The following MTCH1 variants were observed in gnomAD, a reference collection of about 807,000 sequenced individuals.
MTCH1 encodes mitochondrial carrier 1.
MTCH1 carries 23 observed loss-of-function variants against 49.3 expected under a neutral mutation model. That is an observed-to-expected ratio of 0.47 (90% CI 0.34 to 0.66). The LOEUF (loss-of-function observed/expected upper bound fraction) is 0.66, where lower values mean the gene tolerates loss of function less well. Among genes scored for constraint, MTCH1 ranks in the 30% least tolerant of loss-of-function variants. MTCH1 has a pLI of 0.01. For synonymous variants in MTCH1, 229 were observed against 215.2 expected (o/e 1.06, Z -0.56); for missense variants, 397 against 532.1 (o/e 0.75, Z 2.50).
In MTCH1 at chr6:36,977,378, G is replaced by A. The variant is rs1763919712; in HGVS notation, c.650-128C>T. Reference sequence around the variant, plus strand: ...GCCTATTCAGAGAGCAGGAGAGGAAGAGGGCCTTTCGGATTCCCTGTTACA... The same window carrying A: ...GCCTATTCAGAGAGCAGGAGAGGAAAAGGGCCTTTCGGATTCCCTGTTACA... On this transcript the variant is annotated intron_variant, in intron 5 of 11. Coordinates refer to ENST00000373627, the MANE Select transcript of MTCH1 (RefSeq NM_001271641.2). This position sits in a 1 kb window ranked among gnomAD's most constrained non-coding sequence, Gnocchi z 5.4. The A allele has an allele frequency of 2.0e-6, 2 of 987,088 alleles. No individual in the cohort carries two copies. Among genetic ancestry groups the A allele is most frequent in the Non-Finnish European group, 3.1e-6 (2 of 643,346 alleles). 61.1% of individuals were successfully genotyped at this position (987,088 alleles called of 1,614,324 possible).
At chr6:36,969,565 C>G (rs1182867565) in intron 11 of MTCH1, 1 of 1,153,054 alleles carries the variant, frequency 8.7e-7, no homozygotes, top group African/African-American at 1.6e-5. Context: ...GCCAGTTCCC[C>G]ACGTGGCCCA....
rs1277482337 is a variant in MTCH1 at position 36,972,585 on chromosome 6, G to C, written c.906+67C>G. On this transcript the variant is annotated intron_variant, in intron 8 of 11. Transcript: ENST00000373627. The surrounding 1 kb of genome is among the most constrained non-coding windows in gnomAD (Gnocchi z 4.1). ...TGATGCTGAGAATCCCAGAATCCTT[G>C]AGTTTGTCCCAGACCCTGGGCATCA... 1.4e-5 allele frequency: 21 copies of C among 1,493,296 alleles called. No homozygotes were observed. The highest frequency in any genetic ancestry group is 1.8e-5 in the Non-Finnish European group (20 of 1,107,770). 92.5% of individuals were successfully genotyped at this position (1,493,296 alleles called of 1,614,324 possible).
At chr6:36,979,136 G>A (rs920825836) in intron 2 of MTCH1, among the ~76,000 whole-genome samples, 2 of 152,126 alleles carry the variant, frequency 1.3e-5, no homozygotes, top group East Asian at 1.9e-4. Context: ...CACATGCCAC[G>A]GCCAGGGCAG....
Position 36,972,901 on chromosome 6 carries a change from G to C in MTCH1, c.762-105C>G. ...GGGATGTTCCGAGCTCAAAATCTTA[G>C]CATATCCAATGGCACAGCCTTAGAA... On this transcript the variant is annotated intron_variant, in intron 7 of 11. Coordinates refer to ENST00000373627, the MANE Select transcript of MTCH1 (RefSeq NM_001271641.2). This position sits in a 1 kb window ranked among gnomAD's most constrained non-coding sequence, Gnocchi z 4.1. 1 of 1,189,292 alleles carries C rather than the reference G, an allele frequency of 8.4e-7. No individual in the cohort carries two copies. Among genetic ancestry groups the C allele is most frequent in the Non-Finnish European group, 1.2e-6 (1 of 845,732 alleles). 73.7% of individuals were successfully genotyped at this position (1,189,292 alleles called of 1,614,324 possible).
At chr6:36,969,028 C>T (rs1763578438) in intron 11 of MTCH1, 54 bp from the exon 12 acceptor site, 1 of 1,597,714 alleles carries the variant, frequency 6.3e-7, no homozygotes, top group South Asian at 1.1e-5. Context: ...CTTCCTTGTC[C>T]CTCCGAGAGG....
Position 36,968,316 on chromosome 6 carries a change from A to T in MTCH1, c.*587T>A. 1 of 226,914 alleles carries T rather than the reference A, an allele frequency of 4.4e-6. No homozygotes were observed. Among genetic ancestry groups the T allele is most frequent in the South Asian group, 6.2e-5 (1 of 16,168 alleles). The allele number at this position is 226,914 out of a possible 1,614,324, so 14.1% of individuals were successfully genotyped here. A position where few individuals can be genotyped will look rare whatever the true frequency, so the allele number is the denominator to read the frequency against. ...TTAAACAGATGAGCATTAGATGAGGAGGACACATTCTGAGTAGTTGCATGA... is the reference window on the plus strand; with the variant it reads ...TTAAACAGATGAGCATTAGATGAGGTGGACACATTCTGAGTAGTTGCATGA... On this transcript the variant is annotated 3_prime_UTR_variant, in exon 12 of 12. Transcript: ENST00000373627.
Position 36,972,755 on chromosome 6 carries a change from C to T in MTCH1, c.803G>A (p.Trp268Ter). ...GAAGTGGGCCAGCAGGTTACAGCCC[C>T]ACAAGAAAACCACATCGCCCAGGAG... is the stretch of plus-strand genomic sequence containing the variant. ...PHLLGDVVFL[W>*]GCNLLAHFIN... The change falls in exon 8 of 12, where the codon TGG (tryptophan) becomes TAG (stop). Residue 268 changes from tryptophan to a stop codon, truncating the protein, a stop_gained. Coordinates refer to ENST00000373627, the MANE Select transcript of MTCH1 (RefSeq NM_001271641.2). LOFTEE classifies it high-confidence loss of function. This position sits in a 1 kb window ranked among gnomAD's most constrained non-coding sequence, Gnocchi z 4.1. The T allele has an allele frequency of 6.4e-7, 1 of 1,553,620 alleles. No homozygotes were observed.
intron 7 of MTCH1, among the ~76,000 whole-genome samples, chr6:36,973,659 A>G (rs1763758506): frequency 6.6e-6 from 1 of 152,208 alleles, no homozygotes; most frequent in East Asian, 1.9e-4. Flanking sequence ...TGTAACATGT[A>G]TGAGTATCAC....
chr6:36,981,760 C>G (rs143002921), intron 1 of MTCH1, 88 bp from the exon 2 acceptor site: 1 of 1,073,524 alleles, frequency 9.3e-7, no homozygotes, highest in African/African-American at 1.6e-5. Flanking sequence ...GCCCCCTTTG[C>G]TTAACTCTTC....
chr6:36,968,862 A>C lies in MTCH1; in HGVS notation c.*41T>G. On this transcript the variant is annotated 3_prime_UTR_variant, in exon 12 of 12. Coordinates refer to ENST00000373627, the MANE Select transcript of MTCH1 (RefSeq NM_001271641.2). ...GTCCCAAGGTGGTCAGGCCTCACCC[A>C]CGGTGGCCAGGTTGAGACCGTGTTT... The C allele has an allele frequency of 6.2e-7, 1 of 1,613,160 alleles. No individual in the cohort carries two copies. Among genetic ancestry groups the C allele is most frequent in the Non-Finnish European group, 8.5e-7 (1 of 1,179,376 alleles).
At chr6:36,979,669 G>A (rs1764019734) in intron 2 of MTCH1, among the ~76,000 whole-genome samples, 1 of 152,172 alleles carries the variant, frequency 6.6e-6, no homozygotes, top group Non-Finnish European at 1.5e-5. Flanking sequence ...GGAGGAGGAG[G>A]GGAGGGGATG....
In MTCH1 at chr6:36,970,467, C is replaced by G; in HGVS notation, c.961G>C (p.Val321Leu). The G allele has an allele frequency of 1.2e-6, 2 of 1,614,198 alleles. No individual in the cohort carries two copies. The highest frequency in any genetic ancestry group is 1.7e-6 in the Non-Finnish European group (2 of 1,180,034). ...AGGAAGGGGTAGGTCAGCATGCTCACTGCAATCTGAAACCCAGAGAGGCCT... is the reference window on the plus strand; with the variant it reads ...AGGAAGGGGTAGGTCAGCATGCTCAGTGCAATCTGAAACCCAGAGAGGCCT... ...SYTKFVMGIAVSMLTYPFLLV... is the reference protein window; with the variant it reads ...SYTKFVMGIALSMLTYPFLLV... The change falls in exon 10 of 12, where the codon GTG (valine) becomes CTG (leucine). Residue 321 changes from valine (V) to leucine (L), a missense_variant. By Grantham distance (32) the Val-to-Leu change is conservative. Transcript: ENST00000373627.
At chr6:36,981,490 T>A in intron 2 of MTCH1, 98 bp downstream of exon 2, 2 of 1,104,944 alleles carry the variant, frequency 1.8e-6, no homozygotes, top group Non-Finnish European at 2.6e-6. Flanking sequence ...CTGCGTGCCA[T>A]GCTGCGCAGT....
rs893874743 is a variant in MTCH1 at position 36,982,380 on chromosome 6, A to T, written c.322-708T>A. ...CTTCTTATATCTGAAATATTTATTT[A>T]TTTATTTTTTTTTTTGAGATGGAGT... On this transcript the variant is annotated intron_variant, in intron 1 of 11. Transcript: ENST00000373627. This position sits in a 1 kb window ranked among gnomAD's most constrained non-coding sequence, Gnocchi z 4.1. Among the ~76,000 whole-genome samples the T allele has an allele frequency of 2.6e-5, 4 of 151,180 alleles. No individual in the cohort carries two copies. Among genetic ancestry groups the T allele is most frequent in the African/African-American group, 9.8e-5 (4 of 40,916 alleles).
At chr6:36,969,649 C>A in intron 11 of MTCH1, 1 of 1,191,044 alleles carries the variant, frequency 8.4e-7, no homozygotes, top group African/African-American at 1.6e-5. Context: ...TGCCAGCCGC[C>A]CTAACAACCC....
At chr6:36,969,061 G>A in intron 11 of MTCH1, 87 bp from the exon 12 acceptor site, 1 of 1,541,636 alleles carries the variant, frequency 6.5e-7, no homozygotes, top group Non-Finnish European at 8.7e-7. Context: ...AGGCAAAGAA[G>A]GGTCCAGGAG....
intron 8 of MTCH1, among the ~76,000 whole-genome samples, chr6:36,971,877 C>G (rs1027748713): frequency 6.6e-6 from 1 of 152,160 alleles, no homozygotes; most frequent in Non-Finnish European, 1.5e-5. Context: ...ATCGCTGCTC[C>G]CTACCTCTTA....
At position 36,972,916 on chromosome 6, in the gene MTCH1, C is replaced by A; in HGVS notation, c.762-120G>T. ...CAAAATCTTAGCATATCCAATGGCA[C>A]AGCCTTAGAAAGGAGGCCTGCAGGG... On this transcript the variant is annotated intron_variant, in intron 7 of 11. Transcript: ENST00000373627. This position sits in a 1 kb window ranked among gnomAD's most constrained non-coding sequence, Gnocchi z 4.1. The A allele has an allele frequency of 9.5e-7, 1 of 1,049,336 alleles. No individual in the cohort carries two copies. The highest frequency in any genetic ancestry group is 1.4e-6 in the Non-Finnish European group (1 of 722,408). 65.0% of individuals were successfully genotyped at this position (1,049,336 alleles called of 1,614,324 possible). A position where few individuals can be genotyped will look rare whatever the true frequency, so the allele number is the denominator to read the frequency against.
intron 7 of MTCH1, among the ~76,000 whole-genome samples, chr6:36,975,337 G>A (rs955043284): frequency 6.6e-6 from 1 of 152,378 alleles, no homozygotes; most frequent in Middle Eastern, 3.4e-3. Flanking sequence ...TTTTAGCAGT[G>A]AGGCCAAGGA....
Sources: gnomAD v4.1 joint callset for allele counts (sites outside exome capture counted in the v4.1 genomes callset) on GRCh38, gnomAD v4.1.1 for gene constraint, Gnocchi (gnomAD v3.1) non-coding constraint, MANE v1.5 for transcripts, NCBI Gene and HGNC (gene_info 2026-07-23, HGNC 2026-07-21) for gene names.